The following ASPH variants were observed in gnomAD, a reference collection of about 807,000 sequenced individuals.
ASPH encodes aspartyl/asparaginyl beta-hydroxylase.
In ASPH, 100 loss-of-function variants were observed where a neutral mutation model predicts 118.4. The ratio of observed to expected loss-of-function variants is 0.84; its 90% CI spans 0.72 to 1.00. The LOEUF is 1.00. Ranked by LOEUF, ASPH falls within the 50% of genes least tolerant of loss-of-function variation. ASPH has a pLI of 0.00. For synonymous variants in ASPH, 315 were observed against 325.6 expected (o/e 0.97, Z 0.35); for missense variants, 920 against 919.5 (o/e 1.00, Z -0.01).
intron 13 of ASPH, among the ~76,000 whole-genome samples, chr8:61,623,479 G>C (rs1046346001): frequency 6.6e-6 from 1 of 152,114 alleles, no homozygotes; most frequent in East Asian, 1.9e-4. Flanking sequence ...CAAATATTTT[G>C]ATGTATTCTG....
At chr8:61,610,451 A>G (rs1846967205) in intron 14 of ASPH, among the ~76,000 whole-genome samples, 1 of 152,222 alleles carries the variant, frequency 6.6e-6, no homozygotes, top group Admixed American at 6.5e-5. Context: ...ACTTCTCTCT[A>G]AATCAGACTT....
At chr8:61,680,942 A>T in intron 3 of ASPH, 26 bp downstream of exon 3, 5 of 1,564,906 alleles carry the variant, frequency 3.2e-6, no homozygotes, top group Non-Finnish European at 4.3e-6. Context: ...ATCACCACTA[A>T]CAAAAAACAT....
At chr8:61,578,333 C>G in intron 15 of ASPH, 2 of 1,606,188 alleles carry the variant, frequency 1.2e-6, no homozygotes, top group Non-Finnish European at 1.7e-6. Flanking sequence ...CCTCGAGCTT[C>G]TCCTGAGTGG....
rs192519937 is a variant in ASPH, at chr8:61,547,986, C to T, written c.1764+85G>A. Reference sequence around the variant, plus strand: ...GAAATAAAATCTATCTCTTCCCTGACATTCCTTTTTATGATAAACATTTTC... The same window carrying T: ...GAAATAAAATCTATCTCTTCCCTGATATTCCTTTTTATGATAAACATTTTC... On this transcript the variant is annotated intron_variant, in intron 21 of 24. Transcript: ENST00000379454. 7.8e-5 allele frequency: 114 copies of T among 1,453,702 alleles called. No individual in the cohort carries two copies. In the African/African-American group the frequency reaches 1.2e-3, roughly 15 times the overall value. 90.1% of individuals were successfully genotyped at this position (1,453,702 alleles called of 1,614,324 possible).
At chr8:61,508,170 A>G (rs2129612665) in intron 24 of ASPH, among the ~76,000 whole-genome samples, 1 of 152,240 alleles carries the variant, frequency 6.6e-6, no homozygotes, top group South Asian at 2.1e-4. Flanking sequence ...ATGTGCCACC[A>G]CATCCAGCTA....
chr8:61,655,920 A>G (rs1813444962), intron 3 of ASPH, among the ~76,000 whole-genome samples: 1 of 152,218 alleles, frequency 6.6e-6, no homozygotes, highest in Non-Finnish European at 1.5e-5. Flanking sequence ...AGACCTCTAT[A>G]AACTTTTTGA....
chr8:61,628,032 T>C (rs979809196), intron 13 of ASPH, among the ~76,000 whole-genome samples: 1 of 152,110 alleles, frequency 6.6e-6, no homozygotes, highest in Non-Finnish European at 1.5e-5. Flanking sequence ...ATTTTTGGCT[T>C]AGCCTACGGT....
chr8:61,687,201 G>T (rs550632226), intron 1 of ASPH, among the ~76,000 whole-genome samples: 149 of 152,214 alleles, frequency 9.8e-4, no homozygotes, highest in African/African-American at 3.4e-3. Context: ...GGAAATGGAG[G>T]AGAAAAATTT....
At chr8:61,638,164 G>C (rs934993025) in intron 11 of ASPH, 158 bp downstream of exon 11, 46 of 1,166,288 alleles carry the variant, frequency 3.9e-5, no homozygotes, top group Non-Finnish European at 4.8e-5. Context: ...ATTTATATTA[G>C]AATATTAACT....
At chr8:61,547,681 T>C (rs185402777) in intron 21 of ASPH, among the ~76,000 whole-genome samples, 5 of 152,070 alleles carry the variant, frequency 3.3e-5, no homozygotes, top group African/African-American at 1.2e-4. Flanking sequence ...ATAATTTTTT[T>C]AAAAAGTTAT....
chr8:61,611,023 G>A (rs1038754605), intron 14 of ASPH, among the ~76,000 whole-genome samples: 5 of 152,166 alleles, frequency 3.3e-5, no homozygotes, highest in African/African-American at 1.2e-4. Context: ...TAAGATGAAT[G>A]AATAAATTTT....
intron 24 of ASPH, among the ~76,000 whole-genome samples, chr8:61,514,364 T>G (rs1282682376): frequency 6.6e-6 from 1 of 151,764 alleles, no homozygotes; most frequent in Non-Finnish European, 1.5e-5. Context: ...CAGGCTGGAG[T>G]GCAGTGGTGT....
intron 18 of ASPH, among the ~76,000 whole-genome samples, chr8:61,561,099 AGAGGGAGGGAGGGAGGGAGG>A (rs1162796453): frequency 1.1e-4 from 1 of 9,310 alleles, no homozygotes; most frequent in Non-Finnish European, 3.1e-4. Flanking sequence ...AGGGAGGGAG[AGAGGGAGGGAGGGAGGGAGG>A]GAGGGAGGGA....
intron 14 of ASPH, among the ~76,000 whole-genome samples, chr8:61,586,705 A>G (rs1206983727): frequency 6.6e-6 from 1 of 152,218 alleles, no homozygotes; most frequent in African/African-American, 2.4e-5. Flanking sequence ...TCTCTCACCC[A>G]CATGGAAAGA....
chr8:61,694,377 T>C (rs1336399794), intron 1 of ASPH, among the ~76,000 whole-genome samples: 1 of 152,144 alleles, frequency 6.6e-6, no homozygotes, highest in Non-Finnish European at 1.5e-5. Flanking sequence ...ACAGAGCCGC[T>C]GTTTCTCTGT....
chr8:61,662,418 G>A lies in ASPH; in HGVS notation c.323-8758C>T, dbSNP rs1817379440. Among the ~76,000 whole-genome samples, 4 of 152,134 alleles carry A rather than the reference G, an allele frequency of 2.6e-5. No homozygotes were observed. The South Asian group carries it at 8.3e-4, about 32-fold the overall frequency. Reference sequence around the variant, plus strand: ...AACTACCTAGTATTGTGAATTTTTTGTCCCGTTGTAGCTGGCTTATTTAAA... The same window carrying A: ...AACTACCTAGTATTGTGAATTTTTTATCCCGTTGTAGCTGGCTTATTTAAA... On this transcript the variant is annotated intron_variant, in intron 3 of 24. Transcript: ENST00000379454.
intron 13 of ASPH, among the ~76,000 whole-genome samples, chr8:61,628,021 C>A (rs932325720): frequency 6.6e-6 from 1 of 152,072 alleles, no homozygotes; most frequent in Non-Finnish European, 1.5e-5. Context: ...AAGCTCCCAC[C>A]ATTTTTGGCT....
At chr8:61,676,848 G>GCTGA (rs1825659283) in intron 3 of ASPH, among the ~76,000 whole-genome samples, 1 of 151,816 alleles carries the variant, frequency 6.6e-6, no homozygotes, top group East Asian at 1.9e-4. Flanking sequence ...AAGACCTGGA[G>GCTGA]CTGACTTAGG....
chr8:61,569,969 AAT>A (rs1832959259), intron 16 of ASPH, among the ~76,000 whole-genome samples: 1 of 146,816 alleles, frequency 6.8e-6, no homozygotes, highest in Non-Finnish European at 1.5e-5. Flanking sequence ...CCAGAATATG[AAT>A]GTTGATAGAT....
Sources: allele counts gnomAD v4.1 joint callset (sites outside exome capture counted in the v4.1 genomes callset), GRCh38; gene constraint gnomAD v4.1.1; transcripts MANE v1.5; gene names NCBI Gene and HGNC (gene_info 2026-07-23, HGNC 2026-07-21).